The following FRMD4A variants were observed in gnomAD, a reference collection of about 807,000 sequenced individuals.
The protein encoded by FRMD4A is FERM domain containing 4A.
In FRMD4A, 29 loss-of-function variants were observed where a neutral mutation model predicts 129.1. The ratio of observed to expected loss-of-function variants is 0.22; its 90% CI spans 0.17 to 0.31. The LOEUF (loss-of-function observed/expected upper bound fraction) is 0.31. FRMD4A is among the 10% of genes least tolerant of loss of function. The pLI is 1.00. For synonymous variants in FRMD4A, 634 were observed against 571.6 expected (o/e 1.11, Z -1.56); for missense variants, 1,272 against 1,375.8 (o/e 0.92, Z 1.19).
At chr10:13,888,058 A>G (rs1823555703) in intron 2 of FRMD4A, among the ~76,000 whole-genome samples, 1 of 152,186 alleles carries the variant, frequency 6.6e-6, no homozygotes, top group South Asian at 2.1e-4. Flanking sequence ...TGCAATCGTG[A>G]CTCCAAAGCC....
chr10:14,217,830 C>G (rs1843121768), intron 2 of FRMD4A, among the ~76,000 whole-genome samples: 1 of 151,854 alleles, frequency 6.6e-6, no homozygotes, highest in African/African-American at 2.4e-5. Flanking sequence ...TACTCTCTCT[C>G]TCTTTTTTTT....
At chr10:14,243,083 C>T (rs1035811199) in intron 2 of FRMD4A, among the ~76,000 whole-genome samples, 3 of 150,684 alleles carry the variant, frequency 2.0e-5, no homozygotes, top group African/African-American at 7.3e-5. Context: ...CATCCATACA[C>T]ACACACATGC....
chr10:14,114,680 A>C (rs78386447), intron 2 of FRMD4A, among the ~76,000 whole-genome samples: 3,674 of 152,228 alleles, frequency 0.024, 114 homozygotes, highest in African/African-American at 0.073. Context: ...TGAAAGAGAG[A>C]ATGGCCCAAT....
chr10:14,296,292 T>C (rs1263251584), intron 2 of FRMD4A, among the ~76,000 whole-genome samples: 1 of 152,206 alleles, frequency 6.6e-6, no homozygotes, highest in African/African-American at 2.4e-5. Context: ...CAGGGCTCCA[T>C]AGAAAGAGCT....
chr10:13,974,290 G>A (rs12358733), intron 2 of FRMD4A, among the ~76,000 whole-genome samples: 46,936 of 151,964 alleles, frequency 0.31, 7,724 homozygotes, highest in East Asian at 0.6. Flanking sequence ...AAGAATTCCC[G>A]AGAACAGCAA....
chr10:13,695,107 T>C (rs1485808878), intron 14 of FRMD4A, among the ~76,000 whole-genome samples: 2 of 152,094 alleles, frequency 1.3e-5, no homozygotes, highest in Admixed American at 1.3e-4. Context: ...AACTCTATGT[T>C]CACATTGACA....
intron 2 of FRMD4A, among the ~76,000 whole-genome samples, chr10:14,324,144 T>A (rs893074612): frequency 6.6e-6 from 1 of 152,158 alleles, no homozygotes; most frequent in South Asian, 2.1e-4. Flanking sequence ...CAGAAACAGG[T>A]CCAGCAGAAA....
In FRMD4A at chr10:14,311,850, C is replaced by T. The variant is rs192139784; in HGVS notation, c.45+18208G>A. On this transcript the variant is annotated intron_variant, in intron 2 of 24. Coordinates refer to ENST00000357447, the MANE Select transcript of FRMD4A (RefSeq NM_018027.5). ...TGAGCACTTACATATTCCATTTCAT[C>T]TGGCCTTTTGTTACTCAAGTTTTAG... is the stretch of plus-strand genomic sequence containing the variant. 1.8e-3 allele frequency among the ~76,000 whole-genome samples: 275 copies of T among 152,206 alleles called. 2 individuals carry two copies. The highest frequency in any genetic ancestry group is 6.5e-3 in the African/African-American group (269 of 41,496).
rs779094512 is a variant in FRMD4A, at chr10:13,900,646, C to T, written c.46-41734G>A. Among the ~76,000 whole-genome samples the T allele has an allele frequency of 1.5e-4, 23 of 152,186 alleles. 1 individual carries two copies. Among genetic ancestry groups the T allele is most frequent in the Admixed American group, 1.3e-4 (2 of 15,286 alleles). On this transcript the variant is annotated intron_variant, in intron 2 of 24. Transcript: ENST00000357447. Reference sequence around the variant, plus strand: ...GCATGGTGGCTCATGCCTGTAATCCCGGGACTTTGGGAGGTCGAGGTGGGT... The same window carrying T: ...GCATGGTGGCTCATGCCTGTAATCCTGGGACTTTGGGAGGTCGAGGTGGGT...
intron 4 of FRMD4A, among the ~76,000 whole-genome samples, chr10:13,798,444 CACGCCTGT>C (rs1242945243): frequency 4.6e-5 from 7 of 152,052 alleles, no homozygotes; most frequent in African/African-American, 1.7e-4. Context: ...CGTGGTGGCT[CACGCCTGT>C]ACGCCTGTAA....
At chr10:14,208,008 G>A (rs1842834829) in intron 2 of FRMD4A, among the ~76,000 whole-genome samples, 1 of 152,080 alleles carries the variant, frequency 6.6e-6, no homozygotes, top group South Asian at 2.1e-4. Context: ...CAAGACCAGG[G>A]CAACACAGTG....
intron 2 of FRMD4A, among the ~76,000 whole-genome samples, chr10:14,144,442 T>A (rs908232788): frequency 6.6e-6 from 1 of 152,194 alleles, no homozygotes; most frequent in Admixed American, 6.5e-5. Context: ...GTCAGGTGAA[T>A]CTTTCAAGCA....
chr10:13,947,335 G>C (rs1276820124), intron 2 of FRMD4A, among the ~76,000 whole-genome samples: 3 of 152,158 alleles, frequency 2.0e-5, no homozygotes, highest in Non-Finnish European at 1.5e-5. Flanking sequence ...AGGAAACTGA[G>C]ACACAGAGGC....
chr10:14,205,536 G>T (rs1195476379), intron 2 of FRMD4A, among the ~76,000 whole-genome samples: 2 of 152,148 alleles, frequency 1.3e-5, no homozygotes, highest in Admixed American at 1.3e-4. Context: ...GCCGGGTGCG[G>T]TGGCTTATGC....
Position 14,192,820 on chromosome 10 carries a change from G to A in FRMD4A, c.45+137238C>T, listed in dbSNP as rs540218360. On this transcript the variant is annotated intron_variant, in intron 2 of 24. Coordinates refer to ENST00000357447, the MANE Select transcript of FRMD4A (RefSeq NM_018027.5). ...CTTCAAAGAGTTTTTAAGCATTTTT[G>A]CATCAACTTTTTCTTCCAGGGGTCA... is the stretch of plus-strand genomic sequence containing the variant. Among the ~76,000 whole-genome samples the A allele has an allele frequency of 8.5e-5, 13 of 152,280 alleles. No homozygotes were observed. The South Asian group carries it at 2.7e-3, about 32-fold the overall frequency.
At chr10:13,886,770 A>G (rs2094627195) in intron 2 of FRMD4A, among the ~76,000 whole-genome samples, 2 of 152,134 alleles carry the variant, frequency 1.3e-5, no homozygotes, top group Non-Finnish European at 2.9e-5. Context: ...TCTGAAGTCT[A>G]AACAGATCCA....
chr10:14,116,647 C>T (rs555840844), intron 2 of FRMD4A, among the ~76,000 whole-genome samples: 123 of 152,170 alleles, frequency 8.1e-4, no homozygotes, highest in African/African-American at 2.7e-3. Context: ...ACGGAGAGAC[C>T]CCATTTATAG....
In FRMD4A at chr10:13,686,331, G is replaced by A. The variant is rs565097733; in HGVS notation, c.1117+7567C>T. Among the ~76,000 whole-genome samples, 64 of 152,386 alleles carry A rather than the reference G, an allele frequency of 4.2e-4. 1 individual carries two copies. Among genetic ancestry groups the A allele is most frequent in the African/African-American group, 1.5e-3 (64 of 41,592 alleles). On this transcript the variant is annotated intron_variant, in intron 15 of 24. Coordinates refer to ENST00000357447, the MANE Select transcript of FRMD4A (RefSeq NM_018027.5). ...GTGTGATTTATATCAGCGCAAGGCA[G>A]TGAATTCTGAGCTGAACACAGCCGC...
intron 2 of FRMD4A, among the ~76,000 whole-genome samples, chr10:14,282,226 A>G (rs1391438480): frequency 6.6e-6 from 1 of 152,190 alleles, no homozygotes; most frequent in African/African-American, 2.4e-5. Context: ...AAAATTCAAG[A>G]TGAAATTTGG....
Sources: allele counts gnomAD v4.1 joint callset (sites outside exome capture counted in the v4.1 genomes callset), GRCh38; gene constraint gnomAD v4.1.1; transcripts MANE v1.5; gene names NCBI Gene and HGNC (gene_info 2026-07-23, HGNC 2026-07-21).